Variants in HSP90AA1 observed in about 807,000 individuals in gnomAD.
The protein encoded by HSP90AA1 is heat shock protein 90 alpha family class A member 1, also known as heat shock protein HSP 90-alpha.
Under a neutral mutation model 73.3 loss-of-function variants are expected in HSP90AA1, and 18 were observed. The observed-to-expected ratio is 0.25, with a 90% CI of 0.17 to 0.36. HSP90AA1 has a LOEUF of 0.36. Among genes scored for constraint, HSP90AA1 ranks in the 10% least tolerant of loss-of-function variants. HSP90AA1 has a pLI of 1.00. For missense variants in HSP90AA1, 704 were observed against 874.2 expected (o/e 0.81, Z 2.45); for synonymous variants, 477 against 296.9 (o/e 1.61, Z -6.24).
intron 1 of HSP90AA1, among the ~76,000 whole-genome samples, chr14:102,114,861 A>G (rs751409949): frequency 7.2e-5 from 11 of 152,052 alleles, no homozygotes; most frequent in Non-Finnish European, 1.5e-4. Context: ...TTGGCCAGGC[A>G]TGGTGGCTCA....
rs765177831 is a variant in HSP90AA1, at chr14:102,083,896, A to G, written c.1235T>C (p.Ile412Thr). The change falls in exon 7 of 11, where the codon ATC (isoleucine) becomes ACC (threonine). Residue 412 changes from isoleucine to threonine, a missense_variant. Ile to Thr is a moderately conservative substitution (Grantham distance 89, BLOSUM62 -1). Transcript: ENST00000216281. ...MLQQSKILKV[I>T]RKNLVKKCLE... ...GCATTTTTTGACCAAATTCTTCCTG[A>G]TAACTTTCAAAATTTTGCTTTGTTG... 1.2e-5 allele frequency: 20 copies of G among 1,614,018 alleles called. No individual in the cohort carries two copies. Among genetic ancestry groups the G allele is most frequent in the Non-Finnish European group, 1.6e-5 (19 of 1,179,912 alleles).
intron 1 of HSP90AA1, chr14:102,102,133 G>A: frequency 6.6e-7 from 1 of 1,525,134 alleles, no homozygotes; most frequent in Non-Finnish European, 9.1e-7. Flanking sequence ...AAACATAACA[G>A]AGATAGGGCG....
At chr14:102,112,040 T>C (rs191146683) in intron 1 of HSP90AA1, among the ~76,000 whole-genome samples, 26 of 152,368 alleles carry the variant, frequency 1.7e-4, no homozygotes, top group African/African-American at 5.0e-4. Flanking sequence ...TGCTGGACAC[T>C]TGGTGGGCTC....
At chr14:102,083,492 A>G in intron 8 of HSP90AA1, 54 bp downstream of exon 8, 1 of 1,548,666 alleles carries the variant, frequency 6.5e-7, no homozygotes. Context: ...ACACCCACAG[A>G]GCCTACAAGA....
upstream of HSP90AA1, among the ~76,000 whole-genome samples, chr14:102,088,053 T>C (rs988155851): frequency 2.0e-5 from 3 of 147,932 alleles, no homozygotes; most frequent in Admixed American, 6.9e-5. Context: ...GCTCAGGTGA[T>C]CCTCCCGCCT....
At chr14:102,087,679 C>A (rs1467313106), upstream of HSP90AA1, among the ~76,000 whole-genome samples, 3 of 152,258 alleles carry the variant, frequency 2.0e-5, 1 homozygote, top group East Asian at 5.8e-4. Flanking sequence ...GGGAGGCTGT[C>A]CCGCGGCCTG....
intron 1 of HSP90AA1, among the ~76,000 whole-genome samples, chr14:102,120,361 C>T (rs995123708): frequency 6.6e-6 from 1 of 151,880 alleles, no homozygotes; most frequent in Non-Finnish European, 1.5e-5. Context: ...CCTGTCCCAC[C>T]CTCCCCCACG....
At chr14:102,100,900 CA>C (rs371914602) in intron 2 of HSP90AA1, among the ~76,000 whole-genome samples, 208 of 152,310 alleles carry the variant, frequency 1.4e-3, no homozygotes, top group African/African-American at 4.8e-3. Context: ...TGACCAGCTT[CA>C]AAGACGTATA....
intron 1 of HSP90AA1, among the ~76,000 whole-genome samples, chr14:102,116,518 G>A (rs1000100990): frequency 6.6e-6 from 1 of 152,170 alleles, no homozygotes; most frequent in Non-Finnish European, 1.5e-5. Flanking sequence ...CCACGTTCCC[G>A]AGGCAGGTGA....
chr14:102,127,436 C>T (rs752241396), intron 1 of HSP90AA1, among the ~76,000 whole-genome samples: 3 of 152,152 alleles, frequency 2.0e-5, no homozygotes, highest in Non-Finnish European at 4.4e-5. Context: ...CAGAATGTCC[C>T]AGCCTTATGA....
At chr14:102,116,175 G>A (rs553275528) in intron 1 of HSP90AA1, among the ~76,000 whole-genome samples, 6 of 151,802 alleles carry the variant, frequency 4.0e-5, no homozygotes, top group Middle Eastern at 3.4e-3. Context: ...GGATGGTCTC[G>A]ATCTCCTGAC....
In HSP90AA1 at chr14:102,083,024, A is replaced by G. The variant is rs1325234036; in HGVS notation, c.1755+10T>C. ...AGTATCAATGATCAGGAAATGCTGT[A>G]TTCACATACCTTTTCAACTTTTTTC... On this transcript the variant is annotated intron_variant, in intron 9 of 10. Coordinates refer to ENST00000216281, the MANE Select transcript of HSP90AA1 (RefSeq NM_005348.4). 2.5e-6 allele frequency: 4 copies of G among 1,612,534 alleles called. No homozygotes were observed. Among genetic ancestry groups the G allele is most frequent in the African/African-American group, 1.3e-5 (1 of 75,048 alleles).
Position 102,081,739 on chromosome 14 carries a change from G to C in HSP90AA1, c.2172C>G (p.Asp724Glu). 2 of 1,571,504 alleles carry C rather than the reference G, an allele frequency of 1.3e-6. No homozygotes were observed. The highest frequency in any genetic ancestry group is 1.8e-6 in the Non-Finnish European group (2 of 1,141,252). ...AGTCTACTTCTTCCATGCGTGATGTGTCGTCATCTCCTTCAAGGGGTGGCA... is the reference window on the plus strand; with the variant it reads ...AGTCTACTTCTTCCATGCGTGATGTCTCGTCATCTCCTTCAAGGGGTGGCA... ...EEMPPLEGDD[D>E]TSRMEEVD The change falls in exon 11 of 11, where the codon GAC becomes GAG. Residue 724 changes from aspartate to glutamate, a missense_variant. Asp to Glu is a conservative substitution (Grantham distance 45, BLOSUM62 2). Coordinates refer to ENST00000216281, the MANE Select transcript of HSP90AA1 (RefSeq NM_005348.4).
chr14:102,134,374 T>G (rs2049952768), intron 1 of HSP90AA1, among the ~76,000 whole-genome samples: 1 of 140,738 alleles, frequency 7.1e-6, no homozygotes, highest in Non-Finnish European at 1.5e-5. Flanking sequence ...TAGACTGGAA[T>G]GGAGAATTTA....
At chr14:102,086,558 C>G (rs567917414) in intron 1 of HSP90AA1, among the ~76,000 whole-genome samples, 180 bp from the exon 2 acceptor site, 1 of 152,232 alleles carries the variant, frequency 6.6e-6, no homozygotes, top group Non-Finnish European at 1.5e-5. Flanking sequence ...GCAACTACCA[C>G]GAGCGTGTGC....
intron 1 of HSP90AA1, among the ~76,000 whole-genome samples, chr14:102,109,498 G>A (rs2049611727): frequency 6.6e-6 from 1 of 152,140 alleles, no homozygotes; most frequent in African/African-American, 2.4e-5. Flanking sequence ...CCCTGCACAA[G>A]CTCTCTCTTT....
intron 2 of HSP90AA1, among the ~76,000 whole-genome samples, chr14:102,100,933 G>C (rs1471144987): frequency 1.3e-5 from 2 of 152,154 alleles, no homozygotes; most frequent in Admixed American, 6.5e-5. Flanking sequence ...GGCGGGACGG[G>C]CTCTAATGAA....
chr14:102,098,997 C>T (rs1456093462), intron 2 of HSP90AA1, among the ~76,000 whole-genome samples: 1 of 152,222 alleles, frequency 6.6e-6, no homozygotes, highest in Non-Finnish European at 1.5e-5. Flanking sequence ...AACCTCCACA[C>T]ATTGCAAACA....
intron 9 of HSP90AA1, 166 bp from the exon 10 acceptor site, chr14:102,082,610 T>C: frequency 1.5e-6 from 1 of 648,720 alleles, no homozygotes; most frequent in Non-Finnish European, 2.7e-6. Flanking sequence ...GGTTATAATT[T>C]CATGTTTTAC....
Sources: gnomAD v4.1 joint callset for allele counts (sites outside exome capture counted in the v4.1 genomes callset) on GRCh38, gnomAD v4.1.1 for gene constraint, MANE v1.5 for transcripts, NCBI Gene and HGNC (gene_info 2026-07-23, HGNC 2026-07-21) for gene names.